MYO16: variants seen among roughly 807,000 people sequenced by gnomAD.
The protein encoded by MYO16 is myosin XVI.
In MYO16, 94 loss-of-function variants were observed where a neutral mutation model predicts 205.3. The observed-to-expected ratio is 0.46, with a 90% CI of 0.39 to 0.54. The LOEUF (loss-of-function observed/expected upper bound fraction) is 0.54. Among genes scored for constraint, MYO16 ranks in the 20% least tolerant of loss-of-function variants. MYO16 has a pLI of 0.00. For synonymous variants in MYO16, 988 were observed against 954.0 expected, an observed-to-expected ratio of 1.04 and a Z score of -0.66; for missense variants, 2,315 against 2,387.5, an observed-to-expected ratio of 0.97 and a Z score of 0.63.
chr13:108,968,748 G>C lies in MYO16; in HGVS notation c.2369+3846G>C, dbSNP rs113688315. ...TGAACCAGTTGCTCCTGCCTGCTGC[G>C]CCCCTGACTCAGATCGACATCACCA... On this transcript the variant is annotated intron_variant, in intron 20 of 34. Transcript: ENST00000457511. Among the ~76,000 whole-genome samples, 838 of 152,232 alleles carry C rather than the reference G, an allele frequency of 5.5e-3. 6 individuals are homozygous for C. The highest frequency in any genetic ancestry group is 9.1e-3 in the Non-Finnish European group (617 of 68,018).
At chr13:108,631,709 C>T (rs1879986872) in intron 1 of MYO16, among the ~76,000 whole-genome samples, 1 of 152,088 alleles carries the variant, frequency 6.6e-6, no homozygotes, top group South Asian at 2.1e-4. Context: ...AATTATACTG[C>T]ATTCTGTGCT....
chr13:108,703,038 C>G (rs1474021829), intron 2 of MYO16, among the ~76,000 whole-genome samples: 1 of 151,988 alleles, frequency 6.6e-6, no homozygotes, highest in Admixed American at 6.6e-5. Flanking sequence ...AGGTATAATA[C>G]ACATAACAAA....
intron 33 of MYO16, among the ~76,000 whole-genome samples, chr13:109,176,046 A>AAAAAATGGAT (rs1340288253): frequency 6.6e-6 from 1 of 151,538 alleles, no homozygotes; most frequent in Non-Finnish European, 1.5e-5. Context: ...AAAAATGAAT[A>AAAAAATGGAT]AAAAATGGAT....
chr13:108,875,873 C>CA (rs1252436078), intron 12 of MYO16, among the ~76,000 whole-genome samples: 2 of 151,820 alleles, frequency 1.3e-5, no homozygotes, highest in South Asian at 2.1e-4. Context: ...GACCCTGTCT[C>CA]AAAAAAATGA....
chr13:108,922,091 T>TG (rs1881771381), intron 16 of MYO16, among the ~76,000 whole-genome samples: 1 of 152,248 alleles, frequency 6.6e-6, no homozygotes, highest in South Asian at 2.1e-4. Flanking sequence ...TGTGCGGCTC[T>TG]GTCCAGAGCT....
At chr13:108,931,906 C>A (rs1278573631) in intron 16 of MYO16, among the ~76,000 whole-genome samples, 3 of 152,116 alleles carry the variant, frequency 2.0e-5, no homozygotes, top group East Asian at 3.9e-4. Context: ...AATGTTCCCC[C>A]TTCTTCATTT....
At position 109,207,042 on chromosome 13, in the gene MYO16, C is replaced by T. The variant is rs1267260439; in HGVS notation, c.*206C>T. On this transcript the variant is annotated 3_prime_UTR_variant, in exon 35 of 35. Transcript: ENST00000457511. ...TGTGTGGGTTCTTTCTTATCCATCT[C>T]GTGGTGATACACTCTGATTTTCAAG... 3.6e-6 allele frequency: 2 copies of T among 548,328 alleles called. No individual in the cohort carries two copies. The highest frequency in any genetic ancestry group is 1.9e-5 in the African/African-American group (1 of 52,778). The allele number at this position is 548,328 out of a possible 1,614,324, so 34.0% of individuals were successfully genotyped here.
the MYO16 span, among the ~76,000 whole-genome samples, chr13:108,523,493 A>C: frequency 6.6e-6 from 1 of 152,110 alleles, no homozygotes; most frequent in East Asian, 1.9e-4. Context: ...TCTCCTTAGC[A>C]CCAGTTTGTT....
the MYO16 span, among the ~76,000 whole-genome samples, chr13:108,576,342 C>T: frequency 2.0e-5 from 3 of 152,150 alleles, no homozygotes; most frequent in South Asian, 2.1e-4. Flanking sequence ...GGGACTTCCA[C>T]GTTGTAAAGT....
the MYO16 span, among the ~76,000 whole-genome samples, chr13:108,573,561 A>T: frequency 4.6e-5 from 7 of 152,180 alleles, no homozygotes; most frequent in Non-Finnish European, 8.8e-5. Context: ...GAGACCAGGG[A>T]TAGACTGGTG....
At chr13:108,736,408 C>T (rs1884700820) in intron 4 of MYO16, among the ~76,000 whole-genome samples, 1 of 152,104 alleles carries the variant, frequency 6.6e-6, no homozygotes, top group Non-Finnish European at 1.5e-5. Context: ...GGAATCCTTT[C>T]CCCATTTCTT....
chr13:108,781,425 TCAGCAGCTCTCTCAG>T (rs1361596967), intron 4 of MYO16, among the ~76,000 whole-genome samples: 1 of 152,198 alleles, frequency 6.6e-6, no homozygotes, highest in Non-Finnish European at 1.5e-5. Flanking sequence ...ATGGCTTTAT[TCAGCAGCTCTCTCAG>T]CAGCAGCTCT....
intron 2 of MYO16, among the ~76,000 whole-genome samples, chr13:108,682,760 C>T (rs935186957): frequency 2.0e-5 from 3 of 151,984 alleles, no homozygotes; most frequent in Admixed American, 6.6e-5. Context: ...TCACAAGGGA[C>T]AGTAAGATAG....
chr13:108,757,478 TGG>T (rs34461217), intron 4 of MYO16, among the ~76,000 whole-genome samples: 2,692 of 152,182 alleles, frequency 0.018, 74 homozygotes, highest in African/African-American at 0.062. Context: ...GCTAGTTTTT[TGG>T]GGTTTTTTTT....
intron 10 of MYO16, among the ~76,000 whole-genome samples, chr13:108,851,588 C>T (rs1287500908): frequency 5.3e-5 from 8 of 152,228 alleles, no homozygotes; most frequent in African/African-American, 1.7e-4. Flanking sequence ...TATAAGAAAA[C>T]CTTCAATCTT....
chr13:108,892,763 T>C (rs1880233659), intron 14 of MYO16, among the ~76,000 whole-genome samples: 1 of 152,184 alleles, frequency 6.6e-6, no homozygotes. Flanking sequence ...TTATATACAA[T>C]CATCTATTAA....
chr13:108,534,892 TTC>T, the MYO16 span, among the ~76,000 whole-genome samples: 3 of 150,226 alleles, frequency 2.0e-5, no homozygotes, highest in African/African-American at 7.4e-5. Flanking sequence ...CTTCTCCTCT[TTC>T]TTCTTCTCCT....
chr13:108,674,757 G>A (rs1054124392), intron 2 of MYO16, among the ~76,000 whole-genome samples: 3 of 152,110 alleles, frequency 2.0e-5, no homozygotes, highest in African/African-American at 7.2e-5. Context: ...TCAAAATTAG[G>A]AGTGTATTTG....
chr13:109,003,743 C>T (rs2139466774), intron 21 of MYO16, among the ~76,000 whole-genome samples: 1 of 152,302 alleles, frequency 6.6e-6, no homozygotes, highest in East Asian at 1.9e-4. Context: ...ATTACAGTAT[C>T]TGTTTTCTAT....
Sources: gnomAD v4.1 joint callset for allele counts (sites outside exome capture counted in the v4.1 genomes callset) on GRCh38, gnomAD v4.1.1 for gene constraint, MANE v1.5 for transcripts, NCBI Gene and HGNC (gene_info 2026-07-23, HGNC 2026-07-21) for gene names.